Variants in RNF2 observed in about 807,000 individuals in gnomAD.
The protein encoded by RNF2 is E3 ubiquitin-protein ligase RING2.
RNF2 carries 6 observed loss-of-function variants against 37.2 expected under a neutral mutation model. The observed-to-expected ratio is 0.16, with a 90% confidence interval of 0.09 to 0.32. RNF2 has a LOEUF of 0.32. Ranked by LOEUF, RNF2 falls within the 10% of genes least tolerant of loss-of-function variation. The pLI is 1.00. For synonymous variants in RNF2, 133 were observed against 132.7 expected (o/e 1.00, Z -0.02); for missense variants, 251 against 404.0 (o/e 0.62, Z 3.25).
chr1:185,100,337 A>T lies in RNF2; in HGVS notation c.*36A>T. ...ACCAATTCTGAGACTGAACTTTTTT[A>T]TAGCCTATTTCTTTAATATTAAAGA... On this transcript the variant is annotated 3_prime_UTR_variant, in exon 7 of 7. Transcript: ENST00000367510. 7.3e-7 allele frequency: 1 copy of T among 1,369,038 alleles called. No homozygotes were observed. The highest frequency in any genetic ancestry group is 1.3e-5 in the South Asian group (1 of 79,882). 84.8% of individuals were successfully genotyped at this position (1,369,038 alleles called of 1,614,324 possible).
At chr1:185,048,225 A>G (rs1650172373) in intron 1 of RNF2, among the ~76,000 whole-genome samples, 1 of 152,276 alleles carries the variant, frequency 6.6e-6, no homozygotes, top group Non-Finnish European at 1.5e-5. Flanking sequence ...TGAGTCCCTG[A>G]CTATAGGTGC....
At chr1:185,071,874 C>T (rs940623631) in intron 1 of RNF2, 1 of 152,444 alleles carries the variant, frequency 6.6e-6, no homozygotes, top group Admixed American at 6.5e-5. Flanking sequence ...AATATTAGGC[C>T]TCTTTGTTGG....
chr1:185,070,662 C>G (rs558510201), intron 1 of RNF2, among the ~76,000 whole-genome samples: 1 of 145,270 alleles, frequency 6.9e-6, no homozygotes, highest in Admixed American at 6.9e-5. Flanking sequence ...TTTTTGAGAC[C>G]GAGTCTTGCT....
At chr1:185,045,976 G>T (rs1650103664) in intron 1 of RNF2, 1 of 152,298 alleles carries the variant, frequency 6.6e-6, no homozygotes, top group East Asian at 1.9e-4. Context: ...GCGGAGGCCG[G>T]CGCTGCGGCG....
chr1:185,084,391 G>C (rs1651521131), intron 1 of RNF2, among the ~76,000 whole-genome samples: 1 of 152,138 alleles, frequency 6.6e-6, no homozygotes, highest in African/African-American at 2.4e-5. Context: ...AGGATTTTTG[G>C]GGAGGGAATA....
At chr1:185,080,117 T>A (rs1651302271) in intron 1 of RNF2, among the ~76,000 whole-genome samples, 1 of 152,240 alleles carries the variant, frequency 6.6e-6, no homozygotes, top group Non-Finnish European at 1.5e-5. Flanking sequence ...ACTTCGTATC[T>A]TCTTTGCTGG....
At position 185,052,282 on chromosome 1, in the gene RNF2, C is replaced by T. The variant is rs1357743844; in HGVS notation, c.-3+6633C>T. Among the ~76,000 whole-genome samples the T allele has an allele frequency of 2.0e-5, 3 of 152,170 alleles. No individual in the cohort carries two copies. The South Asian group carries it at 6.2e-4, about 32-fold the overall frequency. On this transcript the variant is annotated intron_variant, in intron 1 of 6. Transcript: ENST00000367510. Reference sequence around the variant, plus strand: ...GCATGTAACACACAGGTTCCTGGCACCGCTATTCATGATACCCAAAAAATG... The same window carrying T: ...GCATGTAACACACAGGTTCCTGGCATCGCTATTCATGATACCCAAAAAATG...
At chr1:185,072,848 G>C (rs1331135916) in intron 1 of RNF2, among the ~76,000 whole-genome samples, 2 of 152,138 alleles carry the variant, frequency 1.3e-5, no homozygotes, top group African/African-American at 4.8e-5. Flanking sequence ...TCTGAGGCAG[G>C]AGAATCGCTT....
intron 1 of RNF2, among the ~76,000 whole-genome samples, chr1:185,057,051 G>A (rs768385368): frequency 2.6e-5 from 4 of 152,122 alleles, no homozygotes; most frequent in Non-Finnish European, 5.9e-5. Context: ...GCTCATGCCT[G>A]TAATCCAGTA....
At position 185,094,087 on chromosome 1, in the gene RNF2, C is replaced by G. The variant is rs938996610; in HGVS notation, c.464+811C>G. On this transcript the variant is annotated intron_variant, in intron 4 of 6. Coordinates refer to ENST00000367510, the MANE Select transcript of RNF2 (RefSeq NM_007212.4). ...CATTCTTACTCATTTTGGTTGATGGCAATTCCATCATTCTACTTGCTTAAG... is the reference window on the plus strand; with the variant it reads ...CATTCTTACTCATTTTGGTTGATGGGAATTCCATCATTCTACTTGCTTAAG... 1.3e-5 allele frequency among the ~76,000 whole-genome samples: 2 copies of G among 151,984 alleles called. 1 individual carries two copies. Among genetic ancestry groups the G allele is most frequent in the South Asian group, 4.1e-4 (2 of 4,826 alleles).
chr1:185,045,602 T>C lies in RNF2; in HGVS notation c.-50T>C, dbSNP rs1202647830. ...GCGTCCGCGGCAGCTGATACCAGAG[T>C]CTTGCTCCGGCCGCGGCCAGCGGAG... is the stretch of plus-strand genomic sequence containing the variant. On this transcript the variant is annotated 5_prime_UTR_variant, in exon 1 of 7. Transcript: ENST00000367510. 1 of 152,004 alleles carries C rather than the reference T, an allele frequency of 6.6e-6. No individual in the cohort carries two copies. The highest frequency in any genetic ancestry group is 1.5e-5 in the Non-Finnish European group (1 of 68,026). 9.4% of individuals were successfully genotyped at this position (152,004 alleles called of 1,614,324 possible). A position where few individuals can be genotyped will look rare whatever the true frequency, so the allele number is the denominator to read the frequency against.
intron 1 of RNF2, among the ~76,000 whole-genome samples, chr1:185,065,703 C>T (rs1650779051): frequency 6.6e-6 from 1 of 152,234 alleles, no homozygotes; most frequent in Non-Finnish European, 1.5e-5. Context: ...TCCGGACACA[C>T]CATCTTTAAG....
At chr1:185,092,183 C>T (rs1049690692) in intron 3 of RNF2, among the ~76,000 whole-genome samples, 1 of 150,346 alleles carries the variant, frequency 6.7e-6, no homozygotes, top group African/African-American at 2.4e-5. Context: ...TTCCCCTTTC[C>T]TTTCCTTTCC....
intron 1 of RNF2, among the ~76,000 whole-genome samples, chr1:185,077,822 G>GT (rs548745579): frequency 4.9e-5 from 7 of 144,172 alleles, no homozygotes; most frequent in East Asian, 4.1e-4. Context: ...CTGATTCATT[G>GT]TTTTTTTTCA....
At chr1:185,081,888 G>A (rs548025840) in intron 1 of RNF2, among the ~76,000 whole-genome samples, 17 of 152,280 alleles carry the variant, frequency 1.1e-4, no homozygotes, top group African/African-American at 4.1e-4. Flanking sequence ...AAACTGTAGT[G>A]GATCAGAAAG....
intron 1 of RNF2, among the ~76,000 whole-genome samples, chr1:185,085,484 T>G (rs1208238745): frequency 6.6e-6 from 1 of 152,056 alleles, no homozygotes; most frequent in Non-Finnish European, 1.5e-5. Context: ...TAGTGCTCTC[T>G]CTAATTCCGT....
intron 1 of RNF2, among the ~76,000 whole-genome samples, chr1:185,046,914 G>T (rs1650138162): frequency 6.6e-6 from 1 of 152,158 alleles, no homozygotes; most frequent in Non-Finnish European, 1.5e-5. Flanking sequence ...GTGGGTGTGA[G>T]AGTTTGCTTC....
intron 1 of RNF2, among the ~76,000 whole-genome samples, chr1:185,086,016 A>T (rs936316178): frequency 2.0e-5 from 3 of 152,220 alleles, no homozygotes; most frequent in African/African-American, 4.8e-5. Flanking sequence ...TAATTTGCTT[A>T]GAACCTGCTT....
chr1:185,092,164 C>T (rs527985493), intron 3 of RNF2, among the ~76,000 whole-genome samples: 2 of 151,076 alleles, frequency 1.3e-5, no homozygotes, highest in East Asian at 3.9e-4. Flanking sequence ...CCTTTTTCTT[C>T]TTTCCCCTTT....
Sources: gnomAD v4.1 joint callset for allele counts (sites outside exome capture counted in the v4.1 genomes callset) on GRCh38, gnomAD v4.1.1 for gene constraint, MANE v1.5 for transcripts, NCBI Gene and HGNC (gene_info 2026-07-23, HGNC 2026-07-21) for gene names.